PARP9: variants seen among roughly 807,000 people sequenced by gnomAD.
The protein encoded by PARP9 is protein mono-ADP-ribosyltransferase PARP9.
A neutral mutation model predicts 68.8 loss-of-function variants in PARP9; 48 were observed. The ratio of observed to expected loss-of-function variants is 0.70; its 90% confidence interval spans 0.55 to 0.89. PARP9 has a LOEUF of 0.89. Ranked by LOEUF, PARP9 falls within the 40% of genes least tolerant of loss-of-function variation. PARP9 has a pLI of 0.00. For missense variants in PARP9, 806 were observed against 969.3 expected (o/e 0.83, Z 2.24); for synonymous variants, 309 against 333.8 (o/e 0.93, Z 0.81).
At chr3:122,564,347 C>A, upstream of PARP9, 1 of 1,458,604 alleles carries the variant, frequency 6.9e-7, no homozygotes, top group Admixed American at 2.5e-5. Context: ...TGAAACTTTG[C>A]GCCCAGTCCG....
At chr3:122,533,208 G>A (rs2077423772) in intron 10 of PARP9, 1 of 152,148 alleles carries the variant, frequency 6.6e-6, no homozygotes, top group African/African-American at 2.4e-5. Context: ...TAAGGGTGAG[G>A]GAAAAGGAGG....
chr3:122,564,428 T>C (rs2080508380), upstream of PARP9: 2 of 1,608,494 alleles, frequency 1.2e-6, no homozygotes, highest in South Asian at 1.1e-5. Flanking sequence ...CGCAGAGCCA[T>C]GGCCTCCCAC....
intron 4 of PARP9, among the ~76,000 whole-genome samples, chr3:122,553,200 A>C (rs1559861939): frequency 6.6e-6 from 1 of 151,800 alleles, no homozygotes; most frequent in Admixed American, 6.6e-5. Flanking sequence ...AGACCCCCCC[A>C]CTCACCCACC....
At chr3:122,537,841 T>C (rs1338464626) in intron 8 of PARP9, among the ~76,000 whole-genome samples, 2 of 151,842 alleles carry the variant, frequency 1.3e-5, no homozygotes, top group Non-Finnish European at 2.9e-5. Flanking sequence ...CCTTCCTTCC[T>C]CCTTCCTTCC....
At position 122,545,337 on chromosome 3, in the gene PARP9, ATTC is replaced by A. The variant is rs1576409175; in HGVS notation, c.1384+92_1384+94del. On this transcript the variant is annotated intron_variant, in intron 7 of 10. Transcript: ENST00000682323. The stretch of plus-strand genomic sequence containing the variant: ...ACAATGCAATACCTTTGGCTTATTT[ATTC>A]TTCTTCTCCCCTCCGTTAGTTCAGA... 2.3e-6 allele frequency: 3 copies of A among 1,299,566 alleles called. No homozygotes were observed. In the South Asian group the frequency reaches 3.6e-5, roughly 15 times the overall value. The allele number at this position is 1,299,566 out of a possible 1,614,324, so 80.5% of individuals were successfully genotyped here.
At chr3:122,543,322 G>A (rs747436075) in intron 7 of PARP9, among the ~76,000 whole-genome samples, 8 of 150,690 alleles carry the variant, frequency 5.3e-5, no homozygotes, top group African/African-American at 7.3e-5. Flanking sequence ...TTGTTGCTCA[G>A]GCTGGAGTGC....
chr3:122,553,199 C>A (rs557765774), intron 4 of PARP9, among the ~76,000 whole-genome samples: 2 of 152,082 alleles, frequency 1.3e-5, no homozygotes, highest in Non-Finnish European at 2.9e-5. Context: ...CAGACCCCCC[C>A]ACTCACCCAC....
chr3:122,557,312 A>C (rs1200232103), intron 3 of PARP9, among the ~76,000 whole-genome samples: 1 of 107,500 alleles, frequency 9.3e-6, no homozygotes, highest in Non-Finnish European at 2.2e-5. Flanking sequence ...GAGACATTGG[A>C]CCAGCCAATG....
At chr3:122,536,109 C>A in intron 10 of PARP9, 59 bp downstream of exon 10, 2 of 1,612,652 alleles carry the variant, frequency 1.2e-6, no homozygotes, top group Non-Finnish European at 1.7e-6. Context: ...GAAGAATCTA[C>A]TGATGTCAGC....
At chr3:122,533,732 G>A (rs2077456906) in intron 10 of PARP9, 3 of 984,832 alleles carry the variant, frequency 3.0e-6, no homozygotes, top group Non-Finnish European at 3.6e-6. Context: ...CCTTCTTGCT[G>A]CACTCAACCA....
At chr3:122,552,857 A>G (rs897340615) in intron 4 of PARP9, among the ~76,000 whole-genome samples, 3 of 152,154 alleles carry the variant, frequency 2.0e-5, no homozygotes, top group African/African-American at 7.2e-5. Context: ...AATTATGTAA[A>G]TGTACGGATG....
At chr3:122,535,090 C>G (rs1006805047) in intron 10 of PARP9, 2 of 983,750 alleles carry the variant, frequency 2.0e-6, no homozygotes, top group African/African-American at 3.5e-5. Context: ...AAGAGCACAG[C>G]GATGATCTTA....
intron 10 of PARP9, chr3:122,533,882 T>C: frequency 5.1e-6 from 5 of 985,438 alleles, no homozygotes; most frequent in Non-Finnish European, 6.0e-6. Flanking sequence ...GTCCTATAAT[T>C]TGGAATATTG....
At chr3:122,544,970 T>C (rs1228835713) in intron 7 of PARP9, among the ~76,000 whole-genome samples, 1 of 152,142 alleles carries the variant, frequency 6.6e-6, no homozygotes, top group East Asian at 1.9e-4. Context: ...GGGTTTTGCG[T>C]TTGTTTGTTT....
intron 3 of PARP9, among the ~76,000 whole-genome samples, chr3:122,557,319 A>G (rs1323291624): frequency 3.0e-5 from 3 of 99,812 alleles, no homozygotes; most frequent in African/African-American, 9.3e-5. Flanking sequence ...TGGACCAGCC[A>G]ATGAGCACTG....
intron 10 of PARP9, chr3:122,535,479 G>A (rs1163249012): frequency 4.1e-6 from 4 of 985,212 alleles, no homozygotes; most frequent in African/African-American, 1.7e-5. Context: ...AAGCCACCCC[G>A]CTAAGTATCT....
intron 1 of PARP9, among the ~76,000 whole-genome samples, chr3:122,562,625 G>A (rs907756966): frequency 1.3e-5 from 2 of 152,188 alleles, no homozygotes; most frequent in African/African-American, 4.8e-5. Context: ...TAAATTCCCT[G>A]TCCAGAGTCA....
At position 122,540,614 on chromosome 3, in the gene PARP9, A is replaced by C. The variant is rs755396528; in HGVS notation, c.1623T>G (p.Ile541Met). ...CTAACTCTGTCCTTCCTGGGCTGAT[A>C]ATTTCTGTGATGGAGACACTTGAAG... is the stretch of plus-strand genomic sequence containing the variant. ...QKTSSVSITEIISPGRTELEI... is the reference protein window; with the variant it reads ...QKTSSVSITEMISPGRTELEI... The change falls in exon 8 of 11, where the codon ATT becomes ATG. Residue 541 changes from isoleucine (I) to methionine (M), a missense_variant. This residue lies in a region of PARP9 where 680 missense variants were observed against 858.8 expected (regional missense o/e 0.79). Coordinates refer to ENST00000682323, the MANE Select transcript of PARP9 (RefSeq NM_001146105.2). The C allele has an allele frequency of 3.1e-6, 5 of 1,614,112 alleles. No individual in the cohort carries two copies. In the African/African-American group the frequency reaches 6.7e-5, roughly 22 times the overall value.
Position 122,550,675 on chromosome 3 carries a change from A to T in PARP9, c.1235T>A (p.Phe412Tyr). 6.2e-7 allele frequency: 1 copy of T among 1,614,118 alleles called. No homozygotes were observed. The highest frequency in any genetic ancestry group is 2.2e-5 in the East Asian group (1 of 44,874). The change falls in exon 6 of 11, where the codon TTT becomes TAT. Residue 412 changes from phenylalanine to tyrosine, a missense_variant. Phe to Tyr is a conservative substitution (Grantham distance 22). Around this residue, in one of 2 missense-constraint regions of PARP9, gnomAD observed 680 missense variants for 858.8 expected, o/e 0.79. Coordinates refer to ENST00000682323, the MANE Select transcript of PARP9 (RefSeq NM_001146105.2). ...IKKETAAEIL[F>Y]DEVLTFAKDH... ...TTTGGCAAATGTTAAAACTTCATCA[A>T]ACAAAATCTCTGCTGCTGTTTCCTT...
Sources: allele counts gnomAD v4.1 joint callset (sites outside exome capture counted in the v4.1 genomes callset), GRCh38; gene constraint gnomAD v4.1.1; regional missense constraint gnomAD v4.1.1; transcripts MANE v1.5; gene names NCBI Gene and HGNC (gene_info 2026-07-23, HGNC 2026-07-21).